Variants in ROR1 observed in about 807,000 individuals in gnomAD.
The protein encoded by ROR1 is inactive tyrosine-protein kinase transmembrane receptor ROR1.
Under a neutral mutation model 78.8 loss-of-function variants are expected in ROR1, and 19 were observed. The observed-to-expected ratio is 0.24, with a 90% CI of 0.17 to 0.35. ROR1 has a LOEUF of 0.35. Ranked by LOEUF, ROR1 falls within the 10% of genes least tolerant of loss-of-function variation. The pLI, the probability that ROR1 is intolerant of heterozygous loss-of-function variation, is 1.00. For synonymous variants in ROR1, 386 were observed against 433.6 expected, an observed-to-expected ratio of 0.89 and a Z score of 1.36; for missense variants, 917 against 1,177.8, an observed-to-expected ratio of 0.78 and a Z score of 3.24.
At chr1:64,017,530 G>A (rs935130029) in intron 2 of ROR1, among the ~76,000 whole-genome samples, 2 of 152,134 alleles carry the variant, frequency 1.3e-5, no homozygotes, top group Non-Finnish European at 2.9e-5. Flanking sequence ...TCAAAGGGGA[G>A]AGATTTGCCA....
intron 1 of ROR1, among the ~76,000 whole-genome samples, chr1:63,939,303 G>A (rs1034082763): frequency 6.6e-5 from 10 of 152,256 alleles, no homozygotes; most frequent in East Asian, 1.9e-4. Context: ...ATTTGGGGAC[G>A]AGAGCATATT....
chr1:63,962,717 A>G (rs1646039919), intron 1 of ROR1, among the ~76,000 whole-genome samples: 1 of 152,190 alleles, frequency 6.6e-6, no homozygotes, highest in Non-Finnish European at 1.5e-5. Flanking sequence ...CCTGTGGGAA[A>G]GTCAAAGGTG....
intron 1 of ROR1, among the ~76,000 whole-genome samples, chr1:63,974,422 A>G (rs184538983): frequency 5.4e-4 from 83 of 152,338 alleles, no homozygotes; most frequent in Non-Finnish European, 1.1e-3. Flanking sequence ...ATCTTTCTGA[A>G]GTATTAATTC....
intron 1 of ROR1, among the ~76,000 whole-genome samples, chr1:63,806,179 C>T (rs1227400232): frequency 6.6e-6 from 1 of 152,132 alleles, no homozygotes; most frequent in African/African-American, 2.4e-5. Flanking sequence ...TCCATGGACC[C>T]CTCTCCTGTG....
chr1:63,920,468 G>A (rs1406348367), intron 1 of ROR1, among the ~76,000 whole-genome samples: 1 of 152,304 alleles, frequency 6.6e-6, no homozygotes, highest in East Asian at 1.9e-4. Flanking sequence ...GCTCATTAAT[G>A]CTTAAGGCTA....
In ROR1 at chr1:63,860,635, G is replaced by A. The variant is rs530379164; in HGVS notation, c.91+86127G>A. The stretch of plus-strand genomic sequence containing the variant: ...CACACACAAAATAGCCAGGTGTGGT[G>A]GCACGAGCCTGTAATCCCAGCTACT... On this transcript the variant is annotated intron_variant, in intron 1 of 8. Coordinates refer to ENST00000371079, the MANE Select transcript of ROR1 (RefSeq NM_005012.4). Among the ~76,000 whole-genome samples, 6 of 150,430 alleles carry A rather than the reference G, an allele frequency of 4.0e-5. No individual in the cohort carries two copies. The South Asian group carries it at 1.3e-3, about 32-fold the overall frequency.
intron 1 of ROR1, among the ~76,000 whole-genome samples, chr1:63,791,783 T>G (rs1644728620): frequency 6.6e-6 from 1 of 152,146 alleles, no homozygotes; most frequent in Non-Finnish European, 1.5e-5. Context: ...TTATGGAAGA[T>G]TATAGGAGGT....
chr1:63,948,581 A>G (rs746215603), intron 1 of ROR1, among the ~76,000 whole-genome samples: 4 of 152,200 alleles, frequency 2.6e-5, no homozygotes, highest in Non-Finnish European at 5.9e-5. Flanking sequence ...TTTGGAAACC[A>G]GTGAACATAC....
intron 2 of ROR1, among the ~76,000 whole-genome samples, chr1:64,013,420 C>T (rs979319843): frequency 6.6e-6 from 1 of 152,154 alleles, no homozygotes; most frequent in Non-Finnish European, 1.5e-5. Flanking sequence ...TGTCCCCATA[C>T]TCAATATTCA....
At chr1:64,056,259 C>T (rs1646873253) in intron 4 of ROR1, among the ~76,000 whole-genome samples, 1 of 152,060 alleles carries the variant, frequency 6.6e-6, no homozygotes. Flanking sequence ...AAACTGTTTT[C>T]CAAAGAGGCT....
intron 1 of ROR1, among the ~76,000 whole-genome samples, chr1:63,882,037 T>A (rs1645326413): frequency 6.6e-6 from 1 of 152,172 alleles, no homozygotes; most frequent in Admixed American, 6.6e-5. Flanking sequence ...TAGGATACTC[T>A]GGGAACACCT....
intron 4 of ROR1, among the ~76,000 whole-genome samples, chr1:64,101,153 T>G (rs1647522109): frequency 6.6e-6 from 1 of 152,308 alleles, no homozygotes; most frequent in Non-Finnish European, 1.5e-5. Context: ...AAAAAGCCGT[T>G]GAGCTGCTCT....
chr1:63,952,185 C>T (rs939767670), intron 1 of ROR1, among the ~76,000 whole-genome samples: 8 of 152,084 alleles, frequency 5.3e-5, no homozygotes, highest in African/African-American at 1.9e-4. Context: ...CAGTTCTGGT[C>T]TGAGCTGAGA....
At chr1:63,893,318 C>G (rs1645414236) in intron 1 of ROR1, among the ~76,000 whole-genome samples, 2 of 152,060 alleles carry the variant, frequency 1.3e-5, no homozygotes, top group Non-Finnish European at 2.9e-5. Context: ...CCCTGTTTCT[C>G]CAGCTCTCTG....
intron 1 of ROR1, among the ~76,000 whole-genome samples, chr1:63,813,807 G>A (rs987773647): frequency 1.3e-5 from 2 of 152,172 alleles, no homozygotes; most frequent in African/African-American, 4.8e-5. Context: ...AGTCATATTT[G>A]TTTCTTTCAC....
intron 1 of ROR1, among the ~76,000 whole-genome samples, chr1:64,002,831 G>A (rs1443625937): frequency 6.6e-6 from 1 of 152,184 alleles, no homozygotes; most frequent in African/African-American, 2.4e-5. Context: ...TTGGCCTCTG[G>A]TATTGGTTCT....
intron 1 of ROR1, among the ~76,000 whole-genome samples, chr1:63,911,154 G>T (rs138095604): frequency 1.1e-3 from 174 of 152,258 alleles, no homozygotes; most frequent in African/African-American, 4.0e-3. Context: ...TAACTGAGGA[G>T]CCTTGTAGAA....
chr1:63,815,184 A>G (rs1644883281), intron 1 of ROR1, among the ~76,000 whole-genome samples: 2 of 152,200 alleles, frequency 1.3e-5, no homozygotes, highest in Non-Finnish European at 2.9e-5. Flanking sequence ...TAGTTCCCCC[A>G]GGTCATTCTA....
intron 1 of ROR1, among the ~76,000 whole-genome samples, chr1:63,798,243 A>G (rs1644773493): frequency 6.6e-6 from 1 of 152,120 alleles, no homozygotes; most frequent in Admixed American, 6.5e-5. Flanking sequence ...GACCATCCAC[A>G]TTGGAGCCCC....
Sources: gnomAD v4.1 joint callset for allele counts (sites outside exome capture counted in the v4.1 genomes callset) on GRCh38, gnomAD v4.1.1 for gene constraint, MANE v1.5 for transcripts, NCBI Gene and HGNC (gene_info 2026-07-23, HGNC 2026-07-21) for gene names.